FAM78B: variants seen among roughly 807,000 people sequenced by gnomAD.
FAM78B encodes the protein protein FAM78B.
Under a neutral mutation model 20.0 loss-of-function variants are expected in FAM78B, and 10 were observed. That is an observed-to-expected ratio of 0.50 (90% confidence interval 0.31 to 0.85). The LOEUF is 0.85. FAM78B is among the 40% of genes least tolerant of loss of function. The pLI, the probability that FAM78B is intolerant of heterozygous loss-of-function variation, is 0.05. For synonymous variants in FAM78B, 135 were observed against 132.8 expected (o/e 1.02, Z -0.12); for missense variants, 283 against 345.0 (o/e 0.82, Z 1.42).
intron 1 of FAM78B, among the ~76,000 whole-genome samples, chr1:166,160,777 A>G (rs1377184696): frequency 1.3e-5 from 2 of 152,250 alleles, no homozygotes; most frequent in African/African-American, 4.8e-5. Flanking sequence ...CTGTTCATAA[A>G]CAAGATGGAC....
intron 1 of FAM78B, among the ~76,000 whole-genome samples, chr1:166,079,963 T>G (rs1652499309): frequency 6.6e-6 from 1 of 152,178 alleles, no homozygotes; most frequent in Admixed American, 6.5e-5. Context: ...TTGTTTAGTC[T>G]TAACATGCAC....
chr1:166,112,681 C>G (rs1216329247), intron 1 of FAM78B, among the ~76,000 whole-genome samples: 7 of 152,194 alleles, frequency 4.6e-5, no homozygotes, highest in Non-Finnish European at 7.3e-5. Flanking sequence ...TATCCACACC[C>G]CTGCTCTCAA....
At chr1:166,073,321 T>C (rs905699106) in intron 1 of FAM78B, among the ~76,000 whole-genome samples, 14 of 152,202 alleles carry the variant, frequency 9.2e-5, no homozygotes, top group African/African-American at 3.4e-4. Flanking sequence ...TTCTCTTCCA[T>C]AGCCCTAGGG....
chr1:166,125,210 C>T (rs1316924488), intron 1 of FAM78B, among the ~76,000 whole-genome samples: 1 of 152,014 alleles, frequency 6.6e-6, no homozygotes, highest in Admixed American at 6.6e-5. Context: ...GCTTCTTTTT[C>T]CTATGGTTGT....
chr1:166,142,088 G>C (rs1448967327), intron 1 of FAM78B, among the ~76,000 whole-genome samples: 1 of 152,150 alleles, frequency 6.6e-6, no homozygotes, highest in South Asian at 2.1e-4. Context: ...GTGGCATGGT[G>C]ACCAGCCCTG....
At chr1:166,130,079 G>C (rs7521995) in intron 1 of FAM78B, among the ~76,000 whole-genome samples, 116,723 of 152,172 alleles carry the variant, frequency 0.77, 45,108 homozygotes, top group Non-Finnish European at 0.82. Flanking sequence ...TCTGTGAAGT[G>C]CTTCCTCTCT....
chr1:166,160,748 A>G (rs1265180562), intron 1 of FAM78B, among the ~76,000 whole-genome samples: 1 of 152,264 alleles, frequency 6.6e-6, no homozygotes, highest in Non-Finnish European at 1.5e-5. Context: ...TTTCTTGAAC[A>G]TCTGCTATGG....
rs146923103 is a variant in FAM78B, at chr1:166,096,298, T to A, written c.264-25535A>T. ...CCAGGAGCCACTGTTGAGGGCAGGC[T>A]GGTCACTGGTCAGCACATGGCCTGG... On this transcript the variant is annotated intron_variant, in intron 1 of 1. Transcript: ENST00000354422. Among the ~76,000 whole-genome samples, 22 of 152,312 alleles carry A rather than the reference T, an allele frequency of 1.4e-4. 1 individual carries two copies. The highest frequency in any genetic ancestry group is 4.6e-4 in the African/African-American group (19 of 41,582).
chr1:166,093,299 G>T (rs894168499), intron 1 of FAM78B, among the ~76,000 whole-genome samples: 4 of 152,098 alleles, frequency 2.6e-5, no homozygotes, highest in African/African-American at 9.7e-5. Flanking sequence ...CTACATTCCA[G>T]GTGTGAACAA....
At chr1:166,165,764 C>T (rs535926788) in intron 1 of FAM78B, among the ~76,000 whole-genome samples, 1 of 152,260 alleles carries the variant, frequency 6.6e-6, no homozygotes, top group South Asian at 2.1e-4. Flanking sequence ...TCTGGGAAGT[C>T]AGAAGCAAAC....
In FAM78B at chr1:166,072,825, G is replaced by C. The variant is rs147183334; in HGVS notation, c.264-2062C>G. On this transcript the variant is annotated intron_variant, in intron 1 of 1. Coordinates refer to ENST00000354422, the MANE Select transcript of FAM78B (RefSeq NM_001017961.5). ...AGGGCTTACTGTGGCGTATTGCCTG[G>C]GGAATTTGGTTTTGAGTGGATGTAC... Among the ~76,000 whole-genome samples, 172 of 152,254 alleles carry C rather than the reference G, an allele frequency of 1.1e-3. 1 individual carries two copies. The East Asian group carries it at 0.031, about 28-fold the overall frequency.
intron 1 of FAM78B, among the ~76,000 whole-genome samples, chr1:166,110,491 T>G (rs1654008545): frequency 6.6e-6 from 1 of 152,152 alleles, no homozygotes. Flanking sequence ...CCAACACAAG[T>G]GGTAAGCAAT....
intron 1 of FAM78B, among the ~76,000 whole-genome samples, chr1:166,159,846 C>G (rs1307693665): frequency 6.6e-6 from 1 of 152,248 alleles, no homozygotes; most frequent in African/African-American, 2.4e-5. Context: ...GAGCTTAATG[C>G]TTCCCTGATA....
At chr1:166,080,536 C>CTCTT (rs1381067401) in intron 1 of FAM78B, among the ~76,000 whole-genome samples, 5 of 152,214 alleles carry the variant, frequency 3.3e-5, no homozygotes, top group Non-Finnish European at 2.9e-5. Context: ...GTTCAGCCTA[C>CTCTT]TCTTTAAAGG....
intron 1 of FAM78B, among the ~76,000 whole-genome samples, chr1:166,164,319 C>G (rs1228965497): frequency 6.6e-5 from 10 of 152,318 alleles, no homozygotes; most frequent in African/African-American, 2.2e-4. Flanking sequence ...AGAGGAAGGG[C>G]TCTTGCCCTG....
At chr1:166,071,521 A>C (rs556360575) in intron 1 of FAM78B, among the ~76,000 whole-genome samples, 9 of 151,758 alleles carry the variant, frequency 5.9e-5, no homozygotes, top group Admixed American at 5.9e-4. Flanking sequence ...GACCTTGTAC[A>C]GGAGGAGGAG....
chr1:166,105,895 A>G (rs1653756745), intron 1 of FAM78B, among the ~76,000 whole-genome samples: 1 of 151,774 alleles, frequency 6.6e-6, no homozygotes, highest in African/African-American at 2.4e-5. Context: ...TGCTATAAAG[A>G]CACATGCACA....
At chr1:166,154,161 T>C (rs1571209925) in intron 1 of FAM78B, among the ~76,000 whole-genome samples, 2 of 152,276 alleles carry the variant, frequency 1.3e-5, no homozygotes, top group Non-Finnish European at 2.9e-5. Context: ...CAATCTGTCA[T>C]CTTTGACGCT....
chr1:166,064,303 A>G (rs1651718011), downstream of FAM78B, among the ~76,000 whole-genome samples: 2 of 152,204 alleles, frequency 1.3e-5, no homozygotes. Context: ...CTGGGACATC[A>G]AAAACTGTGT....
Sources: allele counts gnomAD v4.1 joint callset (sites outside exome capture counted in the v4.1 genomes callset), GRCh38; gene constraint gnomAD v4.1.1; transcripts MANE v1.5; gene names NCBI Gene and HGNC (gene_info 2026-07-23, HGNC 2026-07-21).